COL19A1: variants seen among roughly 807,000 people sequenced by gnomAD.
The protein encoded by COL19A1 is collagen alpha-1(XIX) chain.
COL19A1 carries 159 observed loss-of-function variants against 190.2 expected under a neutral mutation model. The ratio of observed to expected loss-of-function variants is 0.84; its 90% confidence interval spans 0.73 to 0.95. The LOEUF (loss-of-function observed/expected upper bound fraction) is 0.95, where lower values mean the gene tolerates loss of function less well. Ranked by LOEUF, COL19A1 falls within the 40% of genes least tolerant of loss-of-function variation. The pLI, the probability that COL19A1 is intolerant of heterozygous loss-of-function variation, is 0.00. For missense variants in COL19A1, 1,418 were observed against 1,431.9 expected (o/e 0.99, Z 0.16); for synonymous variants, 509 against 458.9 (o/e 1.11, Z -1.39).
intron 44 of COL19A1, 79 bp downstream of exon 44, chr6:70,180,602 T>C (rs1394340841): frequency 6.8e-7 from 1 of 1,465,524 alleles, no homozygotes; most frequent in Non-Finnish European, 9.5e-7. Context: ...ACCTCAGAAA[T>C]TCTGAGATTT....
intron 1 of COL19A1, 68 bp from the exon 2 acceptor site, chr6:69,879,468 T>C: frequency 3.5e-6 from 3 of 847,438 alleles, no homozygotes; most frequent in Admixed American, 4.4e-5. Flanking sequence ...TTTGGTAACA[T>C]TTTCTGGAGA....
At chr6:69,919,794 T>A (rs1180836741) in intron 4 of COL19A1, among the ~76,000 whole-genome samples, 2 of 152,188 alleles carry the variant, frequency 1.3e-5, no homozygotes, top group Admixed American at 6.5e-5. Flanking sequence ...TGTTTTTATT[T>A]GAAAGTTTTT....
chr6:70,137,835 C>A, intron 19 of COL19A1, 88 bp downstream of exon 19: 1 of 1,277,024 alleles, frequency 7.8e-7, no homozygotes, highest in Non-Finnish European at 1.1e-6. Flanking sequence ...ATTCCACGTG[C>A]CTTGGTTGAT....
At chr6:69,964,814 C>T (rs1562041118) in intron 11 of COL19A1, among the ~76,000 whole-genome samples, 1 of 152,132 alleles carries the variant, frequency 6.6e-6, no homozygotes, top group Non-Finnish European at 1.5e-5. Context: ...ATATAAGATT[C>T]ATGTAATAAC....
At chr6:70,146,216 A>G (rs184596462) in intron 25 of COL19A1, among the ~76,000 whole-genome samples, 1 of 152,270 alleles carries the variant, frequency 6.6e-6, no homozygotes, top group East Asian at 1.9e-4. Context: ...GTATTGTAAA[A>G]CAGAAAAACT....
chr6:69,896,450 T>A (rs1000436913), intron 2 of COL19A1, among the ~76,000 whole-genome samples: 1 of 143,732 alleles, frequency 7.0e-6, no homozygotes, highest in African/African-American at 2.6e-5. Flanking sequence ...GGCAGGAGAA[T>A]GGCGTGAACC....
At chr6:70,016,939 G>A (rs1778143383) in intron 11 of COL19A1, among the ~76,000 whole-genome samples, 1 of 152,054 alleles carries the variant, frequency 6.6e-6, no homozygotes. Flanking sequence ...TTGGAAACTG[G>A]TTTGGGAATT....
Position 69,892,496 on chromosome 6 carries a change from C to T in COL19A1, c.92-6452C>T, listed in dbSNP as rs1319677138. On this transcript the variant is annotated intron_variant, in intron 2 of 50. Transcript: ENST00000620364. The stretch of plus-strand genomic sequence containing the variant: ...TTGCAAAATAGACTTTACTTTTATA[C>T]TTGGCCTGATTATTTGCAAAAATAC... 2.0e-5 allele frequency among the ~76,000 whole-genome samples: 3 copies of T among 152,162 alleles called. No individual in the cohort carries two copies. In the East Asian group the frequency reaches 5.8e-4, roughly 29 times the overall value.
Position 70,199,619 on chromosome 6 carries a change from G to A in COL19A1, c.3106G>A (p.Val1036Ile). The A allele has an allele frequency of 6.3e-7, 1 of 1,598,096 alleles. No individual in the cohort carries two copies. Among genetic ancestry groups the A allele is most frequent in the East Asian group, 2.3e-5 (1 of 44,388 alleles). The change falls in exon 49 of 51, where the codon GTA becomes ATA. Residue 1036 changes from valine to isoleucine, a missense_variant. Transcript: ENST00000620364. ...VLRIFEERMA[V>I]FLSQLKLPAA... ...TTCTATACATGAAGAGAGGATGGCT[G>A]TATTCCTATCCCAGCTCAAGCTGCC...
intron 9 of COL19A1, among the ~76,000 whole-genome samples, chr6:69,955,420 G>C (rs1774352170): frequency 6.6e-6 from 1 of 151,888 alleles, no homozygotes; most frequent in African/African-American, 2.4e-5. Context: ...GAAAACTTAA[G>C]GATTGTAGTT....
chr6:70,205,778 A>G (rs1407284009), intron 49 of COL19A1, among the ~76,000 whole-genome samples: 2 of 152,224 alleles, frequency 1.3e-5, no homozygotes, highest in Non-Finnish European at 2.9e-5. Context: ...GTACTCTTGT[A>G]GCTCAGCCAA....
intron 7 of COL19A1, among the ~76,000 whole-genome samples, chr6:69,936,581 G>A (rs571534880): frequency 6.6e-6 from 1 of 152,182 alleles, no homozygotes; most frequent in South Asian, 2.1e-4. Flanking sequence ...TTTCTTGCAT[G>A]TTGTCAGTAT....
rs1311910208 is a variant in COL19A1, at chr6:69,900,297, C to G, written c.225C>G (p.Thr75=). The G allele has an allele frequency of 6.3e-7, 1 of 1,594,206 alleles. No individual in the cohort carries two copies. The highest frequency in any genetic ancestry group is 1.3e-5 in the African/African-American group (1 of 74,566). ...LRRAFCESDK[T]CFKLGSALLI... ...GTGCATTTTGTGAAAGTGATAAAAC[C>G]TGTTTCAAATTGGGAAGTGCACTTC... The change falls in exon 4 of 51, where the codon ACC becomes ACG. Residue 75 remains threonine (T), a synonymous_variant. Transcript: ENST00000620364.
intron 15 of COL19A1, among the ~76,000 whole-genome samples, chr6:70,095,370 A>T (rs990710738): frequency 6.6e-6 from 1 of 152,160 alleles, no homozygotes; most frequent in Middle Eastern, 3.2e-3. Context: ...TGCACACTAC[A>T]TATTTTGGAG....
chr6:70,156,808 A>G (rs1583047476), intron 34 of COL19A1, 85 bp downstream of exon 34: 2 of 1,026,940 alleles, frequency 1.9e-6, no homozygotes, highest in Non-Finnish European at 2.9e-6. Context: ...ATTTTTCTAT[A>G]GCTCAGATCT....
At chr6:70,026,440 T>C (rs1562097728) in intron 12 of COL19A1, among the ~76,000 whole-genome samples, 1 of 152,214 alleles carries the variant, frequency 6.6e-6, no homozygotes, top group Admixed American at 6.5e-5. Flanking sequence ...GTCATTCCTT[T>C]AGCACCGTTA....
chr6:69,909,613 AATAAAT>A (rs1230037677), intron 4 of COL19A1, among the ~76,000 whole-genome samples: 1 of 152,260 alleles, frequency 6.6e-6, no homozygotes, highest in East Asian at 1.9e-4. Context: ...GGAAAAATAC[AATAAAT>A]ATAATTACAT....
Position 70,211,285 on chromosome 6 carries a change from CTGT to C in COL19A1, c.*4013_*4015del, listed in dbSNP as rs2127540657. The stretch of plus-strand genomic sequence containing the variant: ...AATAATACACTGGGATTGAGAATTT[CTGT>C]TAAGTGTTTTGCTGACGTTGTTTTA... On this transcript the variant is annotated 3_prime_UTR_variant, in exon 51 of 51. Coordinates refer to ENST00000620364, the MANE Select transcript of COL19A1 (RefSeq NM_001858.6). Among the ~76,000 whole-genome samples, 1 of 151,996 alleles carries C rather than the reference CTGT, an allele frequency of 6.6e-6. No individual in the cohort carries two copies. Among genetic ancestry groups the C allele is most frequent in the African/African-American group, 2.4e-5 (1 of 41,476 alleles).
At chr6:70,031,784 C>G (rs1355045658) in intron 12 of COL19A1, among the ~76,000 whole-genome samples, 2 of 152,082 alleles carry the variant, frequency 1.3e-5, no homozygotes, top group African/African-American at 2.4e-5. Flanking sequence ...ACACAAGGAC[C>G]ATTTCTGACA....
Sources: allele counts gnomAD v4.1 joint callset (sites outside exome capture counted in the v4.1 genomes callset), GRCh38; gene constraint gnomAD v4.1.1; transcripts MANE v1.5; gene names NCBI Gene and HGNC (gene_info 2026-07-23, HGNC 2026-07-21).